Variants in SLC28A3 observed in about 807,000 individuals in gnomAD.
SLC28A3 encodes concentrative Na(+)-nucleoside cotransporter 3.
A neutral mutation model predicts 84.2 loss-of-function variants in SLC28A3; 68 were observed. The ratio of observed to expected loss-of-function variants is 0.81; its 90% CI spans 0.66 to 0.99. The LOEUF is 0.99. SLC28A3 is among the 50% of genes least tolerant of loss of function. SLC28A3 has a pLI of 0.00. For missense variants in SLC28A3, 712 were observed against 841.5 expected, an observed-to-expected ratio of 0.85 and a Z score of 1.90; for synonymous variants, 267 against 303.6, an observed-to-expected ratio of 0.88 and a Z score of 1.25.
At chr9:84,353,601 T>A in the SLC28A3 span, among the ~76,000 whole-genome samples, 52 of 152,188 alleles carry the variant, frequency 3.4e-4, no homozygotes, top group South Asian at 6.2e-4. Flanking sequence ...TCCCAACTAC[T>A]TGGGAGGCTG....
chr9:84,295,149 G>A (rs1470583175), intron 8 of SLC28A3, among the ~76,000 whole-genome samples: 1 of 152,082 alleles, frequency 6.6e-6, no homozygotes, highest in Non-Finnish European at 1.5e-5. Flanking sequence ...CCCTACTGAA[G>A]TCAATAGGGG....
intron 2 of SLC28A3, among the ~76,000 whole-genome samples, chr9:84,311,113 C>A (rs2118405058): frequency 6.6e-6 from 1 of 152,274 alleles, no homozygotes; most frequent in East Asian, 1.9e-4. Context: ...CTTCCTCACA[C>A]CCTGCCCACT....
chr9:84,285,191 A>G (rs761522564), intron 14 of SLC28A3, among the ~76,000 whole-genome samples, 154 bp downstream of exon 14: 10 of 152,228 alleles, frequency 6.6e-5, no homozygotes, highest in Non-Finnish European at 1.3e-4. Context: ...TGCTATGTAC[A>G]TTATAAGCTC....
chr9:84,367,162 C>T, the SLC28A3 span, among the ~76,000 whole-genome samples: 35 of 152,124 alleles, frequency 2.3e-4, no homozygotes, highest in African/African-American at 7.5e-4. Context: ...CCACCACCAC[C>T]GCAGGCCACG....
intron 1 of SLC28A3, among the ~76,000 whole-genome samples, chr9:84,337,363 G>A (rs1026501353): frequency 6.6e-6 from 1 of 152,050 alleles, no homozygotes; most frequent in African/African-American, 2.4e-5. Flanking sequence ...AGGTGTGGGT[G>A]TTGTTGGTAT....
At chr9:84,356,654 AC>A in the SLC28A3 span, among the ~76,000 whole-genome samples, 1 of 151,956 alleles carries the variant, frequency 6.6e-6, no homozygotes, top group Non-Finnish European at 1.5e-5. Flanking sequence ...ATATGGTGAA[AC>A]CCCGTCTCTA....
intron 13 of SLC28A3, 85 bp downstream of exon 13, chr9:84,285,858 G>C (rs1824962105): frequency 7.0e-6 from 10 of 1,438,148 alleles, no homozygotes; most frequent in Non-Finnish European, 9.4e-6. Flanking sequence ...ACTGAGGTTA[G>C]GGTGGGCTGT....
At chr9:84,346,710 T>C in the SLC28A3 span, among the ~76,000 whole-genome samples, 10 of 152,224 alleles carry the variant, frequency 6.6e-5, no homozygotes, top group Non-Finnish European at 1.5e-4. Flanking sequence ...GATTTGTTTT[T>C]CAACAAAATT....
At chr9:84,291,615 C>T (rs1308181605) in intron 10 of SLC28A3, among the ~76,000 whole-genome samples, 1 of 152,192 alleles carries the variant, frequency 6.6e-6, no homozygotes, top group African/African-American at 2.4e-5. Context: ...GGATTACAGG[C>T]GTGAGCCACT....
At chr9:84,285,256 C>T in intron 14 of SLC28A3, 89 bp downstream of exon 14, 2 of 1,304,804 alleles carry the variant, frequency 1.5e-6, no homozygotes, top group Admixed American at 2.0e-5. Context: ...AGGTGCCTGG[C>T]ATAGTGCTTG....
At chr9:84,326,080 C>A (rs946521129) in intron 1 of SLC28A3, among the ~76,000 whole-genome samples, 1 of 152,106 alleles carries the variant, frequency 6.6e-6, no homozygotes, top group Non-Finnish European at 1.5e-5. Flanking sequence ...CATGTATCTG[C>A]AATCATAAGA....
the SLC28A3 span, among the ~76,000 whole-genome samples, chr9:84,362,043 A>G: frequency 3.9e-5 from 6 of 152,220 alleles, no homozygotes; most frequent in Non-Finnish European, 7.3e-5. Context: ...TAAAAGAACC[A>G]AATTGACTTT....
intron 11 of SLC28A3, 83 bp downstream of exon 11, chr9:84,290,071 T>A (rs1825150844): frequency 6.5e-7 from 1 of 1,548,400 alleles, no homozygotes; most frequent in Non-Finnish European, 8.7e-7. Context: ...GCCTCCTTTT[T>A]CCACCAGCAA....
At chr9:84,294,445 A>T (rs1407325917) in intron 8 of SLC28A3, among the ~76,000 whole-genome samples, 170 bp from the exon 9 acceptor site, 1 of 152,190 alleles carries the variant, frequency 6.6e-6, no homozygotes, top group African/African-American at 2.4e-5. Context: ...CTTTTATTCT[A>T]ATTTGTCACA....
upstream of SLC28A3, chr9:84,340,804 G>T: frequency 6.2e-5 from 34 of 551,714 alleles, no homozygotes; most frequent in Non-Finnish European, 8.3e-5. Context: ...CTGACACCTG[G>T]TTGGGGTGGG....
chr9:84,330,736 G>A (rs1421140222), intron 1 of SLC28A3, among the ~76,000 whole-genome samples: 1 of 152,068 alleles, frequency 6.6e-6, no homozygotes, highest in Non-Finnish European at 1.5e-5. Context: ...ATATGCACTG[G>A]ATGTTCAAAG....
intron 5 of SLC28A3, among the ~76,000 whole-genome samples, chr9:84,299,974 G>A (rs943254449): frequency 6.6e-5 from 10 of 152,220 alleles, no homozygotes; most frequent in African/African-American, 1.4e-4. Flanking sequence ...TGTATTTTTA[G>A]TAGAGATGGG....
At chr9:84,330,975 C>T (rs1826761057) in intron 1 of SLC28A3, among the ~76,000 whole-genome samples, 1 of 152,054 alleles carries the variant, frequency 6.6e-6, no homozygotes, top group Non-Finnish European at 1.5e-5. Flanking sequence ...TTTCTATTTT[C>T]TTTCCAGTGC....
intron 7 of SLC28A3, 127 bp downstream of exon 7, chr9:84,297,779 C>A: frequency 1.3e-6 from 1 of 763,676 alleles, no homozygotes. Context: ...TTGTCTAACC[C>A]ATGATGCAGA....
Sources: allele counts gnomAD v4.1 joint callset (sites outside exome capture counted in the v4.1 genomes callset), GRCh38; gene constraint gnomAD v4.1.1; transcripts MANE v1.5; gene names NCBI Gene and HGNC (gene_info 2026-07-23, HGNC 2026-07-21).